GPC5: variants seen among roughly 807,000 people sequenced by gnomAD.
The protein encoded by GPC5 is glypican 5.
In GPC5, 47 loss-of-function variants were observed where a neutral mutation model predicts 53.9. The observed-to-expected ratio is 0.87, with a 90% confidence interval of 0.69 to 1.11. GPC5 has a LOEUF of 1.11. Among genes scored for constraint, GPC5 ranks in the 50% most tolerant of loss-of-function variants. GPC5 has a pLI of 0.00. For synonymous variants in GPC5, 286 were observed against 263.3 expected (o/e 1.09, Z -0.84); for missense variants, 748 against 713.1 (o/e 1.05, Z -0.56).
chr13:91,516,915 G>A (rs1048958305), intron 2 of GPC5, among the ~76,000 whole-genome samples: 1 of 152,164 alleles, frequency 6.6e-6, no homozygotes, highest in Admixed American at 6.5e-5. Flanking sequence ...GCCACAGCCC[G>A]AGCTGTACGT....
intron 7 of GPC5, among the ~76,000 whole-genome samples, chr13:92,456,028 T>C (rs183304969): frequency 1.6e-4 from 24 of 152,310 alleles, no homozygotes; most frequent in Admixed American, 1.4e-3. Flanking sequence ...ACATTTTTCT[T>C]TTAAAAAATA....
chr13:92,286,776 C>A (rs537141861), intron 7 of GPC5, among the ~76,000 whole-genome samples: 1 of 151,684 alleles, frequency 6.6e-6, no homozygotes, highest in Non-Finnish European at 1.5e-5. Context: ...AGGAGAGATA[C>A]CTAATGTAAA....
At chr13:92,696,102 G>C (rs1032222873) in intron 7 of GPC5, among the ~76,000 whole-genome samples, 1 of 152,100 alleles carries the variant, frequency 6.6e-6, no homozygotes, top group Non-Finnish European at 1.5e-5. Flanking sequence ...TATCGTTGAT[G>C]GGCATTTGGG....
intron 5 of GPC5, among the ~76,000 whole-genome samples, chr13:91,809,747 C>T: frequency 6.6e-6 from 1 of 151,902 alleles, no homozygotes; most frequent in Non-Finnish European, 1.5e-5. Flanking sequence ...GGCCCAAAGA[C>T]ATGTTGAAAC....
At chr13:92,550,798 A>G (rs1422228499) in intron 7 of GPC5, among the ~76,000 whole-genome samples, 1 of 151,952 alleles carries the variant, frequency 6.6e-6, no homozygotes, top group African/African-American at 2.4e-5. Context: ...ACAGCAGCAT[A>G]TACAACATAA....
chr13:92,814,337 C>G (rs1877390911), intron 7 of GPC5, among the ~76,000 whole-genome samples: 1 of 151,782 alleles, frequency 6.6e-6, no homozygotes, highest in Non-Finnish European at 1.5e-5. Flanking sequence ...AAACAATAAA[C>G]AAACACCAAA....
chr13:92,195,918 C>T (rs1181979023), intron 7 of GPC5, among the ~76,000 whole-genome samples: 5 of 151,884 alleles, frequency 3.3e-5, no homozygotes, highest in Non-Finnish European at 5.9e-5. Flanking sequence ...CTGAGAGTGA[C>T]CTGAAGAGTG....
intron 7 of GPC5, among the ~76,000 whole-genome samples, chr13:92,684,777 T>C (rs1021555912): frequency 2.0e-5 from 3 of 152,206 alleles, no homozygotes; most frequent in African/African-American, 4.8e-5. Flanking sequence ...TAAGGAATCA[T>C]ATACTAAGAG....
chr13:92,142,002 A>G (rs2041835307), intron 6 of GPC5, among the ~76,000 whole-genome samples: 1 of 152,022 alleles, frequency 6.6e-6, no homozygotes, highest in South Asian at 2.1e-4. Context: ...CCTCACCCTC[A>G]CATCTCATGC....
intron 2 of GPC5, among the ~76,000 whole-genome samples, chr13:91,449,619 A>G (rs1881050489): frequency 6.6e-6 from 1 of 152,154 alleles, no homozygotes; most frequent in Admixed American, 6.5e-5. Context: ...GGAATATATC[A>G]AAGTGCAAGC....
chr13:92,838,477 C>T lies in GPC5; in HGVS notation c.1562-27805C>T, dbSNP rs189744375. 5.4e-3 allele frequency among the ~76,000 whole-genome samples: 778 copies of T among 144,632 alleles called. 7 individuals are homozygous for T. Among genetic ancestry groups the T allele is most frequent in the Middle Eastern group, 0.017 (5 of 286 alleles). The allele number at this position is 144,632 out of a possible 152,430, so 94.9% of individuals were successfully genotyped here. On this transcript the variant is annotated intron_variant, in intron 7 of 7. Coordinates refer to ENST00000377067, the MANE Select transcript of GPC5 (RefSeq NM_004466.6). ...CAGCCTGGGCTACAGAGTGAGACTC[C>T]GCGCCCCCCCCAAAAAAAAAAAGAA...
At position 91,497,347 on chromosome 13, in the gene GPC5, A is replaced by G. The variant is rs185294304; in HGVS notation, c.325+48425A>G. On this transcript the variant is annotated intron_variant, in intron 2 of 7. Transcript: ENST00000377067. ...ACCAGTGAATTTTCTACTAAAAAGG[A>G]AAAAAGTCATCAAATTAATCTGGAC... Among the ~76,000 whole-genome samples the G allele has an allele frequency of 1.5e-3, 236 of 152,284 alleles. 1 individual carries two copies. Among genetic ancestry groups the G allele is most frequent in the Non-Finnish European group, 1.6e-3 (108 of 68,012 alleles).
chr13:92,039,143 A>C (rs937398257), intron 6 of GPC5, among the ~76,000 whole-genome samples: 2 of 151,056 alleles, frequency 1.3e-5, no homozygotes, highest in Non-Finnish European at 2.9e-5. Flanking sequence ...AGACAAGAGG[A>C]GCATTGGAGC....
At position 92,699,485 on chromosome 13, in the gene GPC5, G is replaced by T. The variant is rs184472160; in HGVS notation, c.1562-166797G>T. On this transcript the variant is annotated intron_variant, in intron 7 of 7. Coordinates refer to ENST00000377067, the MANE Select transcript of GPC5 (RefSeq NM_004466.6). ...CTTCTGCTAGCTTTTGAATTTGTTTGTTCCTGCTTCTCTAGTTCTTTTAAA... is the reference window on the plus strand; with the variant it reads ...CTTCTGCTAGCTTTTGAATTTGTTTTTTCCTGCTTCTCTAGTTCTTTTAAA... Among the ~76,000 whole-genome samples, 116 of 151,986 alleles carry T rather than the reference G, an allele frequency of 7.6e-4. 1 individual carries two copies. The highest frequency in any genetic ancestry group is 2.5e-3 in the African/African-American group (104 of 41,444).
intron 7 of GPC5, among the ~76,000 whole-genome samples, chr13:92,233,844 T>C (rs1216228877): frequency 6.6e-6 from 1 of 151,922 alleles, no homozygotes; most frequent in Non-Finnish European, 1.5e-5. Context: ...GTGTGTGATG[T>C]TCCCCTTCCT....
intron 5 of GPC5, among the ~76,000 whole-genome samples, chr13:91,793,971 C>T (rs1173803155): frequency 6.6e-6 from 1 of 152,158 alleles, no homozygotes; most frequent in Non-Finnish European, 1.5e-5. Flanking sequence ...CATATCTCCC[C>T]TCTGGTGAGG....
chr13:91,573,649 T>G (rs1236000571), intron 2 of GPC5, among the ~76,000 whole-genome samples: 1 of 152,182 alleles, frequency 6.6e-6, no homozygotes, highest in African/African-American at 2.4e-5. Flanking sequence ...AAATTTTATA[T>G]TGATAATTTT....
intron 5 of GPC5, among the ~76,000 whole-genome samples, chr13:91,877,159 G>A (rs191936783): frequency 2.0e-5 from 3 of 152,364 alleles, no homozygotes; most frequent in African/African-American, 4.8e-5. Context: ...GGGCCCTCAT[G>A]GAGAACCTCT....
chr13:92,638,678 C>T (rs890885062), intron 7 of GPC5, among the ~76,000 whole-genome samples: 2 of 152,130 alleles, frequency 1.3e-5, no homozygotes, highest in African/African-American at 4.8e-5. Context: ...AATGTTAAGG[C>T]TTCTATGAAA....
Sources: allele counts gnomAD v4.1 joint callset (sites outside exome capture counted in the v4.1 genomes callset), GRCh38; gene constraint gnomAD v4.1.1; transcripts MANE v1.5; gene names NCBI Gene and HGNC (gene_info 2026-07-23, HGNC 2026-07-21).